The following TMCC1 variants were observed in gnomAD, a reference collection of about 807,000 sequenced individuals.
The protein encoded by TMCC1 is transmembrane and coiled-coil domains protein 1.
Under a neutral mutation model 52.4 loss-of-function variants are expected in TMCC1, and 15 were observed. That is an observed-to-expected ratio of 0.29 (90% CI 0.19 to 0.44). The LOEUF (loss-of-function observed/expected upper bound fraction) is 0.44. Ranked by LOEUF, TMCC1 falls within the 20% of genes least tolerant of loss-of-function variation. TMCC1 has a pLI of 1.00. For missense variants in TMCC1, 503 were observed against 806.0 expected, an observed-to-expected ratio of 0.62 and a Z score of 4.55; for synonymous variants, 279 against 301.9, an observed-to-expected ratio of 0.92 and a Z score of 0.79.
chr3:129,749,632 C>T (rs990964608), intron 4 of TMCC1, among the ~76,000 whole-genome samples: 8 of 151,756 alleles, frequency 5.3e-5, no homozygotes, highest in African/African-American at 1.7e-4. Flanking sequence ...TTTGATTTGC[C>T]AAGACTAAGT....
At chr3:129,755,368 GA>G (rs1378680892) in intron 4 of TMCC1, among the ~76,000 whole-genome samples, 2 of 151,830 alleles carry the variant, frequency 1.3e-5, no homozygotes, top group African/African-American at 4.8e-5. Flanking sequence ...ATTTAAAAAA[GA>G]AAAAAATTGG....
intron 2 of TMCC1, among the ~76,000 whole-genome samples, chr3:129,870,583 C>T (rs1431759329): frequency 6.6e-6 from 1 of 150,828 alleles, no homozygotes; most frequent in Non-Finnish European, 1.5e-5. Flanking sequence ...ACTAAAAATA[C>T]AAAAAATTAG....
intron 4 of TMCC1, among the ~76,000 whole-genome samples, chr3:129,813,765 C>T (rs1025129092): frequency 1.3e-5 from 2 of 150,972 alleles, no homozygotes; most frequent in Non-Finnish European, 2.9e-5. Flanking sequence ...ACCTATTTAA[C>T]AAACCTACCC....
At chr3:129,813,681 T>C (rs1217928849) in intron 4 of TMCC1, among the ~76,000 whole-genome samples, 2 of 152,054 alleles carry the variant, frequency 1.3e-5, no homozygotes, top group East Asian at 3.8e-4. Flanking sequence ...ATCGAAAAAC[T>C]ACCTATTGGG....
At chr3:129,818,154 G>A (rs776234904) in intron 4 of TMCC1, among the ~76,000 whole-genome samples, 70 of 151,924 alleles carry the variant, frequency 4.6e-4, no homozygotes, top group Non-Finnish European at 9.9e-4. Context: ...ATGTTGGTAA[G>A]CTGGTCTCGA....
At position 129,671,176 on chromosome 3, in the gene TMCC1, T is replaced by C. The variant is rs1300488439; in HGVS notation, c.665A>G (p.Asp222Gly). The change falls in exon 5 of 7, where the codon GAT becomes GGT. Residue 222 changes from aspartate to glycine, a missense_variant. Asp to Gly is a moderately conservative substitution (Grantham distance 94). Transcript: ENST00000393238. ...TGTGCGCTGAGGGTCTGGTGTTCCATCCACAGAGTCTGTGTGGATGCTGCC... is the reference window on the plus strand; with the variant it reads ...TGTGCGCTGAGGGTCTGGTGTTCCACCCACAGAGTCTGTGTGGATGCTGCC... ...TDGSIHTDSVDGTPDPQRTKA... is the reference protein window; with the variant it reads ...TDGSIHTDSVGGTPDPQRTKA... 6.2e-7 allele frequency: 1 copy of C among 1,614,046 alleles called. No homozygotes were observed. Among genetic ancestry groups the C allele is most frequent in the Non-Finnish European group, 8.5e-7 (1 of 1,180,038 alleles).
At chr3:129,735,697 C>G (rs571991007) in intron 4 of TMCC1, among the ~76,000 whole-genome samples, 2 of 147,886 alleles carry the variant, frequency 1.4e-5, no homozygotes, top group Middle Eastern at 3.6e-3. Flanking sequence ...AGATTTAATA[C>G]GTTTCAAAAG....
At chr3:129,844,849 T>A (rs2059585885) in intron 2 of TMCC1, among the ~76,000 whole-genome samples, 2 of 152,316 alleles carry the variant, frequency 1.3e-5, no homozygotes, top group Non-Finnish European at 1.5e-5. Flanking sequence ...TCCTTTGTTA[T>A]TCCAAAGAAA....
intron 4 of TMCC1, among the ~76,000 whole-genome samples, chr3:129,710,367 T>C (rs181925833): frequency 6.6e-6 from 1 of 152,316 alleles, no homozygotes; most frequent in African/African-American, 2.4e-5. Context: ...GGTCTCATTA[T>C]GTTGGCCAGG....
intron 4 of TMCC1, among the ~76,000 whole-genome samples, chr3:129,711,772 C>T (rs562693883): frequency 2.8e-5 from 4 of 145,386 alleles, no homozygotes; most frequent in Admixed American, 2.1e-4. Flanking sequence ...GGGCGGATCA[C>T]GAGGTCAGGA....
chr3:129,753,888 G>A (rs1234410343), intron 4 of TMCC1, among the ~76,000 whole-genome samples: 1 of 143,708 alleles, frequency 7.0e-6, no homozygotes, highest in African/African-American at 2.6e-5. Flanking sequence ...AGATGACAAA[G>A]AAAGAAATAA....
chr3:129,720,795 A>C (rs553501577), intron 4 of TMCC1, among the ~76,000 whole-genome samples: 6 of 152,136 alleles, frequency 3.9e-5, no homozygotes, highest in Admixed American at 1.3e-4. Context: ...CCTGGGCTCA[A>C]GCGATTCTCT....
intron 4 of TMCC1, among the ~76,000 whole-genome samples, chr3:129,678,718 T>C (rs993259072): frequency 3.9e-5 from 6 of 152,124 alleles, no homozygotes; most frequent in African/African-American, 1.4e-4. Context: ...TATCCTAATT[T>C]TATGGCTAAG....
chr3:129,753,906 T>A (rs1428975156), intron 4 of TMCC1, among the ~76,000 whole-genome samples: 1 of 150,606 alleles, frequency 6.6e-6, no homozygotes, highest in Non-Finnish European at 1.5e-5. Context: ...TAAAACTCTA[T>A]TCATAAGTAA....
intron 4 of TMCC1, among the ~76,000 whole-genome samples, chr3:129,795,647 T>C (rs1560436775): frequency 1.3e-5 from 2 of 152,240 alleles, no homozygotes; most frequent in African/African-American, 2.4e-5. Flanking sequence ...CTCCCTTACC[T>C]ACAGTTTGTT....
At chr3:129,831,939 C>G (rs534995183) in intron 3 of TMCC1, among the ~76,000 whole-genome samples, 1 of 152,294 alleles carries the variant, frequency 6.6e-6, no homozygotes, top group South Asian at 2.1e-4. Context: ...ACTGCAACCT[C>G]TGCCTTCTGG....
intron 4 of TMCC1, among the ~76,000 whole-genome samples, chr3:129,687,618 G>GAGA (rs1378989339): frequency 2.0e-5 from 3 of 152,108 alleles, no homozygotes; most frequent in Non-Finnish European, 4.4e-5. Context: ...ATATACAAAA[G>GAGA]AGAACATAAA....
intron 5 of TMCC1, among the ~76,000 whole-genome samples, chr3:129,655,748 G>A (rs1049950624): frequency 4.6e-5 from 7 of 152,316 alleles, no homozygotes; most frequent in African/African-American, 1.7e-4. Context: ...TAAGGAGTGG[G>A]GGAGGCAAGA....
intron 4 of TMCC1, among the ~76,000 whole-genome samples, chr3:129,716,168 T>C (rs1186088161): frequency 6.7e-6 from 1 of 149,952 alleles, no homozygotes; most frequent in South Asian, 2.1e-4. Context: ...TTTTCTTTGT[T>C]TTTTTTTTTT....
Sources: allele counts gnomAD v4.1 joint callset (sites outside exome capture counted in the v4.1 genomes callset), GRCh38; gene constraint gnomAD v4.1.1; transcripts MANE v1.5; gene names NCBI Gene and HGNC (gene_info 2026-07-23, HGNC 2026-07-21).